Variants in NMT2 observed in about 807,000 individuals in gnomAD.
The protein encoded by NMT2 is N-myristoyltransferase 2, also known as glycylpeptide N-tetradecanoyltransferase 2.
A neutral mutation model predicts 65.4 loss-of-function variants in NMT2; 35 were observed. The ratio of observed to expected loss-of-function variants is 0.54; its 90% CI spans 0.41 to 0.71. The LOEUF (loss-of-function observed/expected upper bound fraction) is 0.71, where lower values mean the gene tolerates loss of function less well. Among genes scored for constraint, NMT2 ranks in the 30% least tolerant of loss-of-function variants. NMT2 has a pLI of 0.00. For missense variants in NMT2, 489 were observed against 611.3 expected (o/e 0.80, Z 2.11); for synonymous variants, 226 against 231.8 (o/e 0.98, Z 0.23).
rs1171474774 is a variant in NMT2, at chr10:15,127,566, A to T, written c.999+784T>A. Among the ~76,000 whole-genome samples, 172 of 88,184 alleles carry T rather than the reference A, an allele frequency of 2.0e-3. 8 individuals carry two copies. Among genetic ancestry groups the T allele is most frequent in the African/African-American group, 0.012 (72 of 6,080 alleles). The allele number at this position is 88,184 out of a possible 152,430, so 57.9% of individuals were successfully genotyped here. A position where few individuals can be genotyped will look rare whatever the true frequency, so the allele number is the denominator to read the frequency against. ...CGTCTCAAAAAAAAAAAAAAAAAAAAAAAATAAATAAATAAATAAATAAAT... is the reference window on the plus strand; with the variant it reads ...CGTCTCAAAAAAAAAAAAAAAAAAATAAAATAAATAAATAAATAAATAAAT... On this transcript the variant is annotated intron_variant, in intron 8 of 11. Coordinates refer to ENST00000378165, the MANE Select transcript of NMT2 (RefSeq NM_004808.3).
At chr10:15,162,003 A>G (rs1294135340) in intron 1 of NMT2, among the ~76,000 whole-genome samples, 1 of 152,230 alleles carries the variant, frequency 6.6e-6, no homozygotes, top group African/African-American at 2.4e-5. Context: ...CTGTAGTCCC[A>G]ACACTTTGGG....
At chr10:15,118,484 A>T (rs111271229) in intron 9 of NMT2, among the ~76,000 whole-genome samples, 2,169 of 152,300 alleles carry the variant, frequency 0.014, 53 homozygotes, top group African/African-American at 0.05. Context: ...GTTTGCAGTG[A>T]GCCGAGATTG....
chr10:15,161,098 A>C (rs1833177427), intron 1 of NMT2, among the ~76,000 whole-genome samples: 2 of 148,718 alleles, frequency 1.3e-5, no homozygotes, highest in African/African-American at 5.0e-5. Flanking sequence ...AAAAAAAAAA[A>C]AAAAAAAAAA....
In NMT2 at chr10:15,106,035, C is replaced by A; in HGVS notation, c.*3160G>T. ...TTCGAGATAGAGTCTCACTCTGTTG[C>A]CCAGGCTGGAGTGCAGTGGTGTGAT... On this transcript the variant is annotated 3_prime_UTR_variant, in exon 12 of 12. Transcript: ENST00000378165. 1 of 407,168 alleles carries A rather than the reference C, an allele frequency of 2.5e-6. No homozygotes were observed. The highest frequency in any genetic ancestry group is 4.8e-6 in the Non-Finnish European group (1 of 208,302). The allele number at this position is 407,168 out of a possible 1,614,324, so 25.2% of individuals were successfully genotyped here. A position where few individuals can be genotyped will look rare whatever the true frequency, so the allele number is the denominator to read the frequency against.
intron 1 of NMT2, among the ~76,000 whole-genome samples, chr10:15,149,177 C>A (rs1203797269): frequency 6.6e-6 from 1 of 150,514 alleles, no homozygotes; most frequent in Non-Finnish European, 1.5e-5. Flanking sequence ...GCCGCCATCA[C>A]CACCACCACT....
intron 9 of NMT2, among the ~76,000 whole-genome samples, chr10:15,115,779 G>A (rs776455216): frequency 3.5e-4 from 54 of 152,226 alleles, no homozygotes; most frequent in South Asian, 1.7e-3. Context: ...TTAAAAGCAG[G>A]TCTGGTCACA....
At chr10:15,142,236 T>C (rs1488105479) in intron 1 of NMT2, among the ~76,000 whole-genome samples, 4 of 152,360 alleles carry the variant, frequency 2.6e-5, no homozygotes, top group African/African-American at 7.2e-5. Flanking sequence ...ATGAAAGGCA[T>C]GTGCAATAGT....
In NMT2 at chr10:15,112,932, C is replaced by T; in HGVS notation, c.1202G>A (p.Ser401Asn). 6.2e-7 allele frequency: 1 copy of T among 1,614,096 alleles called. No individual in the cohort carries two copies. Among genetic ancestry groups the T allele is most frequent in the South Asian group, 1.1e-5 (1 of 91,068 alleles). ...CACCGTGGAGGGGAGCGTATAGAAG[C>T]TCAGGAAATCAGTCAGTTTACCGTT... ...SPNGKLTDFL[S>N]FYTLPSTVMH... The change falls in exon 10 of 12, where the codon AGC becomes AAC. Residue 401 changes from serine (S) to asparagine (N), a missense_variant. Ser to Asn is a conservative substitution (Grantham distance 46). Transcript: ENST00000378165.
rs1281525918 is a variant in NMT2, at chr10:15,135,310, A to G, written c.355T>C (p.Tyr119His). ...RNIDEAAKHR[Y>H]QFWDTQPVPK... The stretch of plus-strand genomic sequence containing the variant: ...ACCGGTTGTGTGTCCCAAAACTGGT[A>G]TCTGTGCTTTGCAGCCTCATCAATG... The change falls in exon 3 of 12, where the codon TAC becomes CAC. Residue 119 changes from tyrosine (Y) to histidine (H), a missense_variant. Physicochemically the swap from Tyr to His is moderately conservative, Grantham distance 83 (BLOSUM62 2). Transcript: ENST00000378165. The G allele has an allele frequency of 3.1e-6, 5 of 1,614,052 alleles. No homozygotes were observed. The highest frequency in any genetic ancestry group is 1.3e-5 in the African/African-American group (1 of 74,920).
chr10:15,121,587 G>C (rs915885894), intron 8 of NMT2, among the ~76,000 whole-genome samples: 3 of 152,166 alleles, frequency 2.0e-5, no homozygotes, highest in Non-Finnish European at 2.9e-5. Flanking sequence ...GGCTGGTCTC[G>C]AATGCCTGAC....
At chr10:15,163,163 T>G (rs913948870) in intron 1 of NMT2, among the ~76,000 whole-genome samples, 4 of 152,146 alleles carry the variant, frequency 2.6e-5, no homozygotes, top group Admixed American at 2.6e-4. Context: ...TCCTCCACCT[T>G]GGCTTCCCAA....
intron 6 of NMT2, among the ~76,000 whole-genome samples, chr10:15,132,458 G>A (rs1007865031): frequency 6.6e-6 from 1 of 151,526 alleles, no homozygotes; most frequent in African/African-American, 2.4e-5. Flanking sequence ...ATGGAGTTTC[G>A]CTCATGTTGC....
intron 2 of NMT2, among the ~76,000 whole-genome samples, chr10:15,140,701 G>T (rs1338226404): frequency 2.0e-5 from 3 of 152,042 alleles, no homozygotes; most frequent in Non-Finnish European, 1.5e-5. Context: ...CCTTTTCACT[G>T]TGAGTTTCTT....
chr10:15,106,639 C>G lies in NMT2; in HGVS notation c.*2556G>C, dbSNP rs539662659. The G allele has an allele frequency of 4.8e-5, 47 of 985,392 alleles. No individual in the cohort carries two copies. In the African/African-American group the frequency reaches 7.8e-4, roughly 16 times the overall value. The allele number at this position is 985,392 out of a possible 1,614,324, so 61.0% of individuals were successfully genotyped here. On this transcript the variant is annotated 3_prime_UTR_variant, in exon 12 of 12. Coordinates refer to ENST00000378165, the MANE Select transcript of NMT2 (RefSeq NM_004808.3). ...AGCTGTGGGTTGGTCTTTAGAATCA[C>G]GGCAACCTATAGAAAGGAGAGTTCC...
chr10:15,127,336 A>G (rs1298128679), intron 8 of NMT2, among the ~76,000 whole-genome samples: 1 of 151,630 alleles, frequency 6.6e-6, no homozygotes, highest in East Asian at 1.9e-4. Context: ...TCACAAGGTC[A>G]GGAGATCAAG....
chr10:15,125,273 G>A (rs1313166677), intron 8 of NMT2, among the ~76,000 whole-genome samples: 2 of 152,184 alleles, frequency 1.3e-5, no homozygotes, highest in African/African-American at 2.4e-5. Flanking sequence ...ATCACAGCAC[G>A]ACTGGAACAG....
At chr10:15,116,815 T>C (rs1267167732) in intron 9 of NMT2, among the ~76,000 whole-genome samples, 1 of 152,170 alleles carries the variant, frequency 6.6e-6, no homozygotes, top group Non-Finnish European at 1.5e-5. Context: ...CATTCAACAA[T>C]TTAGAAGAAA....
chr10:15,138,685 T>G (rs1337027293), intron 2 of NMT2, among the ~76,000 whole-genome samples: 3 of 152,218 alleles, frequency 2.0e-5, no homozygotes, highest in East Asian at 3.8e-4. Context: ...ATCATTTTTA[T>G]TTTGGTTCTT....
At chr10:15,128,514 ACT>A in intron 7 of NMT2, 56 bp from the exon 8 acceptor site, 1 of 1,104,846 alleles carries the variant, frequency 9.1e-7, no homozygotes, top group Non-Finnish European at 1.4e-6. Flanking sequence ...ACAAGTTTTC[ACT>A]CTTTGTCTCA....
Sources: gnomAD v4.1 joint callset for allele counts (sites outside exome capture counted in the v4.1 genomes callset) on GRCh38, gnomAD v4.1.1 for gene constraint, MANE v1.5 for transcripts, NCBI Gene and HGNC (gene_info 2026-07-23, HGNC 2026-07-21) for gene names.